CMIP: variants seen among roughly 807,000 people sequenced by gnomAD.
The protein encoded by CMIP is c-Maf inducing protein.
Under a neutral mutation model 97.3 loss-of-function variants are expected in CMIP, and 13 were observed. The observed-to-expected ratio is 0.13, with a 90% CI of 0.09 to 0.21. The LOEUF (loss-of-function observed/expected upper bound fraction) is 0.21. CMIP is among the 10% of genes least tolerant of loss of function. The pLI is 1.00. For missense variants in CMIP, 847 were observed against 1,024.9 expected (o/e 0.83, Z 2.37); for synonymous variants, 538 against 436.3 (o/e 1.23, Z -2.91).
At chr16:81,624,166 G>T (rs2092029031) in intron 3 of CMIP, among the ~76,000 whole-genome samples, 1 of 149,858 alleles carries the variant, frequency 6.7e-6, no homozygotes, top group African/African-American at 2.5e-5. Flanking sequence ...CAAAATTGAG[G>T]ACCTTTAGAA....
intron 9 of CMIP, among the ~76,000 whole-genome samples, chr16:81,673,616 CACTGAGAGTTGCTCT>C (rs2092702559): frequency 6.6e-6 from 1 of 152,254 alleles, no homozygotes; most frequent in African/African-American, 2.4e-5. Flanking sequence ...GTGCGTAACA[CACTGAGAGTTGCTCT>C]GCTGAGAGTT....
chr16:81,595,599 G>C (rs2091542177), intron 1 of CMIP, among the ~76,000 whole-genome samples: 4 of 152,094 alleles, frequency 2.6e-5, no homozygotes, highest in Admixed American at 2.6e-4. Flanking sequence ...ATGTTGGCCA[G>C]GCTGGTCTCA....
At chr16:81,470,284 T>TGCCCCATCCAGGC (rs1057442557) in intron 1 of CMIP, among the ~76,000 whole-genome samples, 34 of 152,226 alleles carry the variant, frequency 2.2e-4, no homozygotes, top group African/African-American at 7.5e-4. Flanking sequence ...GTTCAAGAGG[T>TGCCCCATCCAGGC]GCCCCATCCA....
chr16:81,534,320 T>C (rs1164339143), intron 1 of CMIP, among the ~76,000 whole-genome samples: 1 of 152,228 alleles, frequency 6.6e-6, no homozygotes, highest in Non-Finnish European at 1.5e-5. Context: ...GTTGACTGTT[T>C]GCATTTGCTC....
At chr16:81,458,619 C>T (rs1906707556) in intron 1 of CMIP, among the ~76,000 whole-genome samples, 1 of 152,168 alleles carries the variant, frequency 6.6e-6, no homozygotes, top group Non-Finnish European at 1.5e-5. Context: ...ACTGTTTCCC[C>T]ATTACGTCTT....
intron 1 of CMIP, among the ~76,000 whole-genome samples, chr16:81,451,079 G>C (rs1404688856): frequency 3.9e-5 from 6 of 152,186 alleles, no homozygotes; most frequent in African/African-American, 1.4e-4. Flanking sequence ...CCCTGTTGAT[G>C]GGCATTGAGG....
In CMIP at chr16:81,678,637, C is replaced by CT; in HGVS notation, c.1388+9_1388+10insT. On this transcript the variant is annotated intron_variant, in intron 10 of 20. Transcript: ENST00000537098. Reference sequence around the variant, plus strand: ...GAAATCCTCAAGCTGCTGTGAGTGCCCCCCCCGCGTGCCCGCCCCCGGGGC... The same window carrying CT: ...GAAATCCTCAAGCTGCTGTGAGTGCCTCCCCCCGCGTGCCCGCCCCCGGGGC... 2 of 1,417,008 alleles carry CT rather than the reference C, an allele frequency of 1.4e-6. No homozygotes were observed. Among genetic ancestry groups the CT allele is most frequent in the East Asian group, 2.3e-5 (1 of 43,366 alleles). 87.8% of individuals were successfully genotyped at this position (1,417,008 alleles called of 1,614,324 possible). A position where few individuals can be genotyped will look rare whatever the true frequency, so the allele number is the denominator to read the frequency against.
In CMIP at chr16:81,621,072, G is replaced by C; in HGVS notation, c.477+146G>C. The C allele has an allele frequency of 1.1e-6, 1 of 880,750 alleles. No individual in the cohort carries two copies. The highest frequency in any genetic ancestry group is 1.7e-6 in the Non-Finnish European group (1 of 573,890). 54.6% of individuals were successfully genotyped at this position (880,750 alleles called of 1,614,324 possible). On this transcript the variant is annotated intron_variant, in intron 3 of 20. Transcript: ENST00000537098. This position sits in a 1 kb window ranked among gnomAD's most constrained non-coding sequence, Gnocchi z 4.1. Reference sequence around the variant, plus strand: ...AGGAACTTTGTTCCCCTACCTAAGAGCCCCTGGCCCTTCGTCCTCTGCTGT... The same window carrying C: ...AGGAACTTTGTTCCCCTACCTAAGACCCCCTGGCCCTTCGTCCTCTGCTGT...
intron 1 of CMIP, among the ~76,000 whole-genome samples, chr16:81,467,652 C>T (rs543593195): frequency 2.7e-5 from 4 of 150,622 alleles, no homozygotes; most frequent in African/African-American, 9.8e-5. Flanking sequence ...ATGATCTTGG[C>T]TCACTACAAC....
chr16:81,657,406 G>A (rs2092495843), intron 4 of CMIP, among the ~76,000 whole-genome samples: 2 of 152,192 alleles, frequency 1.3e-5, no homozygotes, highest in Admixed American at 6.5e-5. Flanking sequence ...CTGCCTTCTG[G>A]CTTCTAAGCA....
At chr16:81,686,405 G>A (rs1344208781) in intron 10 of CMIP, among the ~76,000 whole-genome samples, 2 of 152,180 alleles carry the variant, frequency 1.3e-5, no homozygotes, top group East Asian at 1.9e-4. Flanking sequence ...TGGGCCTTCC[G>A]CACTCAAGCA....
intron 7 of CMIP, chr16:81,664,609 C>G (rs2092583459): frequency 1.7e-6 from 1 of 585,374 alleles, no homozygotes; most frequent in Non-Finnish European, 3.0e-6. Context: ...GGAAAGCCTC[C>G]CGGGAAGAAT....
At chr16:81,515,155 TA>T (rs2089888286) in intron 1 of CMIP, among the ~76,000 whole-genome samples, 1 of 152,188 alleles carries the variant, frequency 6.6e-6, no homozygotes, top group African/African-American at 2.4e-5. Context: ...TTCTCCCAGT[TA>T]AACTAGAAGC....
chr16:81,485,025 ATTAC>A (rs1363447003), intron 1 of CMIP, among the ~76,000 whole-genome samples: 1 of 152,008 alleles, frequency 6.6e-6, no homozygotes, highest in Non-Finnish European at 1.5e-5. Context: ...GCGCATTGGA[ATTAC>A]TTGAGGAGCT....
rs568837151 is a variant in CMIP at position 81,627,416 on chromosome 16, C to T, written c.477+6490C>T. On this transcript the variant is annotated intron_variant, in intron 3 of 20. Coordinates refer to ENST00000537098, the MANE Select transcript of CMIP (RefSeq NM_198390.3). The surrounding 1 kb of genome is among the most constrained non-coding windows in gnomAD (Gnocchi z 4.6). ...GAAGGGATCCTGGTAGGAGCCCACG[C>T]GTGGGAGCCTCTCATGCGCCATCAT... Among the ~76,000 whole-genome samples, 12 of 152,124 alleles carry T rather than the reference C, an allele frequency of 7.9e-5. No individual in the cohort carries two copies. In the South Asian group the frequency reaches 1.0e-3, roughly 13 times the overall value.
chr16:81,627,745 C>G lies in CMIP; in HGVS notation c.477+6819C>G, dbSNP rs16955690. ...TGGATAAAGGATGAGGATAAAGGAC[C>G]GTGCCAAAGCCAGATGCCTCCCAGC... On this transcript the variant is annotated intron_variant, in intron 3 of 20. Transcript: ENST00000537098. This position sits in a 1 kb window ranked among gnomAD's most constrained non-coding sequence, Gnocchi z 4.6. Among the ~76,000 whole-genome samples the G allele has an allele frequency of 4.4e-3, 673 of 152,272 alleles. 8 individuals carry two copies. Among genetic ancestry groups the G allele is most frequent in the African/African-American group, 0.016 (649 of 41,544 alleles).
chr16:81,670,620 TGGG>T (rs10542852), intron 8 of CMIP, among the ~76,000 whole-genome samples: 3,118 of 98,360 alleles, frequency 0.032, 50 homozygotes, highest in African/African-American at 0.046. Context: ...GGGTTTTTTT[TGGG>T]GGGGGGGGGG....
rs1464550853 is a variant in CMIP at position 81,664,283 on chromosome 16, G to A, written c.759G>A (p.Arg253=). 6 of 1,601,672 alleles carry A rather than the reference G, an allele frequency of 3.7e-6. No individual in the cohort carries two copies. Among genetic ancestry groups the A allele is most frequent in the Non-Finnish European group, 5.1e-6 (6 of 1,174,720 alleles). The change falls in exon 7 of 21, where the codon CGG becomes CGA. Residue 253 remains arginine, a synonymous_variant. Transcript: ENST00000537098. ...TCTGTCCCCAGCACTGCAGAGAGCG[G>A]CCCCGGTCCATGGTGGTCATCGAGG... ...CEFFCKHCRE[R]PRSMVVIEVF... is the part of the protein sequence containing the mutation.
rs1907422316 is a variant in CMIP, at chr16:81,701,665, G to A, written c.1761G>A (p.Leu587=). ...ACCCCTGCGGTTCTGGACAGATCCT[G>A]TGCTTGATGCTGGAATACAACATCA... is the stretch of plus-strand genomic sequence containing the variant. ...LRGNQTMVEI[L]CLMLEYNIID... Residue 587 remains leucine (L), a synonymous_variant, in exon 16 of 21, where the codon CTG becomes CTA. Transcript: ENST00000537098. 1 of 1,613,906 alleles carries A rather than the reference G, an allele frequency of 6.2e-7. No individual in the cohort carries two copies. Among genetic ancestry groups the A allele is most frequent in the East Asian group, 2.2e-5 (1 of 44,798 alleles).
Sources: gnomAD v4.1 joint callset for allele counts (sites outside exome capture counted in the v4.1 genomes callset) on GRCh38, gnomAD v4.1.1 for gene constraint, Gnocchi (gnomAD v3.1) non-coding constraint, MANE v1.5 for transcripts, NCBI Gene and HGNC (gene_info 2026-07-23, HGNC 2026-07-21) for gene names.